FSTL4: variants seen among roughly 807,000 people sequenced by gnomAD.
FSTL4 encodes the protein follistatin-related protein 4.
A neutral mutation model predicts 78.2 loss-of-function variants in FSTL4; 28 were observed. That is an observed-to-expected ratio of 0.36 (90% CI 0.27 to 0.49). The LOEUF (loss-of-function observed/expected upper bound fraction) is 0.49, where lower values mean the gene tolerates loss of function less well. FSTL4 is among the 20% of genes least tolerant of loss of function. The pLI is 0.98. For missense variants in FSTL4, 922 were observed against 1,084.9 expected (o/e 0.85, Z 2.11); for synonymous variants, 422 against 440.5 (o/e 0.96, Z 0.53).
the FSTL4 span, among the ~76,000 whole-genome samples, chr5:133,835,991 T>C: frequency 1.3e-5 from 2 of 152,234 alleles, no homozygotes; most frequent in African/African-American, 2.4e-5. Flanking sequence ...CTTGCCTCTA[T>C]ACATTGTGCC....
the FSTL4 span, among the ~76,000 whole-genome samples, chr5:133,780,999 C>A: frequency 1.3e-5 from 2 of 152,216 alleles, no homozygotes; most frequent in Non-Finnish European, 2.9e-5. Flanking sequence ...GATTCTGATT[C>A]CAAAGTCAAC....
At chr5:133,231,694 C>T (rs1751498668) in intron 8 of FSTL4, among the ~76,000 whole-genome samples, 1 of 152,124 alleles carries the variant, frequency 6.6e-6, no homozygotes, top group African/African-American at 2.4e-5. Flanking sequence ...AGGCACGTGC[C>T]ACCACACATG....
chr5:133,752,129 G>A, the FSTL4 span, among the ~76,000 whole-genome samples: 1 of 152,214 alleles, frequency 6.6e-6, no homozygotes, highest in African/African-American at 2.4e-5. Context: ...ACAGGCGAAG[G>A]GATTGGGCCT....
chr5:133,364,398 G>A (rs1190370164), intron 4 of FSTL4, among the ~76,000 whole-genome samples: 1 of 152,144 alleles, frequency 6.6e-6, no homozygotes, highest in East Asian at 1.9e-4. Flanking sequence ...CCTCCTGATC[G>A]AGGTGGCAGC....
chr5:133,460,288 C>T (rs1757567438), intron 3 of FSTL4, among the ~76,000 whole-genome samples: 2 of 152,030 alleles, frequency 1.3e-5, no homozygotes, highest in Admixed American at 1.3e-4. Context: ...CCACCGGTAA[C>T]ACCTTCCCCA....
At chr5:133,368,412 G>C (rs4958122) in intron 4 of FSTL4, among the ~76,000 whole-genome samples, 37,145 of 152,168 alleles carry the variant, frequency 0.24, 5,865 homozygotes, top group African/African-American at 0.44. Flanking sequence ...TATGTGCTTG[G>C]AACTCTTCTG....
At chr5:133,219,090 CCT>C (rs2126784581) in intron 12 of FSTL4, among the ~76,000 whole-genome samples, 1 of 152,262 alleles carries the variant, frequency 6.6e-6, no homozygotes, top group Non-Finnish European at 1.5e-5. Context: ...CTTTGTGGTT[CCT>C]CTTAGTCTGC....
intron 14 of FSTL4, among the ~76,000 whole-genome samples, chr5:133,204,867 G>T (rs1750444409): frequency 6.7e-6 from 1 of 150,334 alleles, no homozygotes; most frequent in East Asian, 1.9e-4. Flanking sequence ...TCAGGCTTTT[G>T]GTTAACACTT....
intron 6 of FSTL4, among the ~76,000 whole-genome samples, chr5:133,298,364 C>T (rs1214534418): frequency 1.3e-5 from 2 of 152,206 alleles, no homozygotes; most frequent in Non-Finnish European, 2.9e-5. Flanking sequence ...CAAGTGTCTG[C>T]CCATCCAGCC....
At chr5:133,328,419 C>A (rs982887108) in intron 4 of FSTL4, among the ~76,000 whole-genome samples, 1 of 152,158 alleles carries the variant, frequency 6.6e-6, no homozygotes, top group South Asian at 2.1e-4. Context: ...TTAGAGAAAG[C>A]AAAATTGGTT....
chr5:133,282,520 C>A (rs534237403), intron 6 of FSTL4, among the ~76,000 whole-genome samples: 54 of 152,324 alleles, frequency 3.5e-4, no homozygotes, highest in African/African-American at 1.2e-3. Flanking sequence ...ATCCCATTAG[C>A]AGCAGGATCA....
Position 133,319,744 on chromosome 5 carries a change from C to G in FSTL4, c.410-3092G>C, listed in dbSNP as rs996189562. 2.6e-5 allele frequency among the ~76,000 whole-genome samples: 4 copies of G among 152,332 alleles called. No homozygotes were observed. The South Asian group carries it at 8.3e-4, about 32-fold the overall frequency. ...TACTGAGGGCACTCCATGCCTGGGC[C>G]AAGCTTGCCACTGGGGTCCTGAGAT... On this transcript the variant is annotated intron_variant, in intron 4 of 15. Transcript: ENST00000265342.
chr5:133,771,393 A>C, the FSTL4 span, among the ~76,000 whole-genome samples: 1 of 151,994 alleles, frequency 6.6e-6, no homozygotes, highest in African/African-American at 2.4e-5. Context: ...CAATTTCTTT[A>C]ATCAGTGTTT....
the FSTL4 span, among the ~76,000 whole-genome samples, chr5:133,760,524 G>A: frequency 6.6e-6 from 1 of 152,128 alleles, no homozygotes; most frequent in Admixed American, 6.5e-5. Flanking sequence ...GTCCAGACAG[G>A]GCGATCTCCA....
At chr5:133,649,736 T>C in the FSTL4 span, among the ~76,000 whole-genome samples, 1 of 152,192 alleles carries the variant, frequency 6.6e-6, no homozygotes, top group African/African-American at 2.4e-5. Context: ...TTAAGAGTTC[T>C]TTGTGTATTT....
chr5:133,828,436 CT>C, the FSTL4 span, among the ~76,000 whole-genome samples: 1 of 152,156 alleles, frequency 6.6e-6, no homozygotes, highest in Non-Finnish European at 1.5e-5. Flanking sequence ...CACCATATTA[CT>C]TTTATAATGT....
At chr5:133,394,766 C>T (rs186913694) in intron 4 of FSTL4, among the ~76,000 whole-genome samples, 20 of 152,332 alleles carry the variant, frequency 1.3e-4, no homozygotes, top group African/African-American at 4.8e-4. Context: ...CAGGCAGCTC[C>T]ACCTGCAGCC....
intron 6 of FSTL4, among the ~76,000 whole-genome samples, chr5:133,274,544 C>T (rs1014894873): frequency 6.6e-6 from 1 of 152,062 alleles, no homozygotes; most frequent in African/African-American, 2.4e-5. Context: ...CAGTATTCTG[C>T]CTGACCCCAT....
At chr5:133,239,060 C>T (rs1386581497) in intron 7 of FSTL4, among the ~76,000 whole-genome samples, 1 of 152,200 alleles carries the variant, frequency 6.6e-6, no homozygotes, top group African/African-American at 2.4e-5. Flanking sequence ...TGGGCATGGG[C>T]TCGGCGGGCC....
Sources: gnomAD v4.1 joint callset for allele counts (sites outside exome capture counted in the v4.1 genomes callset) on GRCh38, gnomAD v4.1.1 for gene constraint, MANE v1.5 for transcripts, NCBI Gene and HGNC (gene_info 2026-07-23, HGNC 2026-07-21) for gene names.